Variants in P4HTM observed in about 807,000 individuals in gnomAD.
P4HTM encodes transmembrane prolyl 4-hydroxylase.
In P4HTM, 33 loss-of-function variants were observed where a neutral mutation model predicts 55.3. That is an observed-to-expected ratio of 0.60 (90% CI 0.45 to 0.80). P4HTM has a LOEUF of 0.80. Among genes scored for constraint, P4HTM ranks in the 30% least tolerant of loss-of-function variants. The pLI is 0.00. For synonymous variants in P4HTM, 272 were observed against 286.4 expected (o/e 0.95, Z 0.51); for missense variants, 542 against 696.5 (o/e 0.78, Z 2.50).
At position 48,990,537 on chromosome 3, in the gene P4HTM, G is replaced by A. The variant is rs754529224; in HGVS notation, c.281G>A (p.Gly94Glu). The change falls in exon 1 of 9, where the codon GGG becomes GAG. Residue 94 changes from glycine to glutamate, a missense_variant. This residue lies in a region of P4HTM where 536 missense variants were observed against 672.1 expected (regional missense o/e 0.80). Transcript: ENST00000383729. The surrounding 1 kb of genome is among the most constrained non-coding windows in gnomAD (Gnocchi z 7.2). ...YSNGDESSDP[G>E]PQHRAQGPGP... ...AACGGCGACGAAAGCAGCGATCCCGGGCCCCAACACCGTGCCCAGGGCCCC... is the reference window on the plus strand; with the variant it reads ...AACGGCGACGAAAGCAGCGATCCCGAGCCCCAACACCGTGCCCAGGGCCCC... 6.2e-7 allele frequency: 1 copy of A among 1,610,686 alleles called. No homozygotes were observed. The highest frequency in any genetic ancestry group is 8.5e-7 in the Non-Finnish European group (1 of 1,179,346).
At chr3:49,003,079 A>C in intron 4 of P4HTM, 1 of 300,514 alleles carries the variant, frequency 3.3e-6, no homozygotes, top group Non-Finnish European at 6.5e-6. Flanking sequence ...AAGCGCCTAA[A>C]ATGGTAGTGC....
At chr3:49,006,556 G>A (rs1367478779) in intron 8 of P4HTM, 131 bp from the exon 9 acceptor site, 5 of 722,226 alleles carry the variant, frequency 6.9e-6, no homozygotes, top group South Asian at 6.8e-5. Context: ...AGCCTCCAAG[G>A]AAGCTTTAGG....
chr3:49,006,215 G>A (rs200837151), intron 8 of P4HTM, 28 bp downstream of exon 8: 2 of 1,599,040 alleles, frequency 1.3e-6, no homozygotes, highest in East Asian at 2.3e-5. Context: ...GGCCTGGGGG[G>A]GGTGCCCTGA....
At position 49,006,683 on chromosome 3, in the gene P4HTM, C is replaced by T; in HGVS notation, c.1289-4C>T. 6.2e-7 allele frequency: 1 copy of T among 1,613,120 alleles called. No homozygotes were observed. The highest frequency in any genetic ancestry group is 8.5e-7 in the Non-Finnish European group (1 of 1,179,610). ...TAGGATCTCACGTCACCCTCCTCTT[C>T]TAGGTTGGGTGGGTGACGTAGACGA... On this transcript the variant is annotated splice_region_variant and splice_polypyrimidine_tract_variant and intron_variant, in intron 8 of 8. Transcript: ENST00000383729.
Position 49,006,972 on chromosome 3 carries a change from T to C in P4HTM, c.*65T>C. On this transcript the variant is annotated 3_prime_UTR_variant, in exon 9 of 9. Transcript: ENST00000383729. ...TTGCCCAAGATCAGGGGTCCGGCTG[T>C]CCTTCTGTCCTGCTGCAGACTAAAG... The C allele has an allele frequency of 1.5e-6, 2 of 1,302,718 alleles. No individual in the cohort carries two copies. Among genetic ancestry groups the C allele is most frequent in the Non-Finnish European group, 2.1e-6 (2 of 931,348 alleles). 80.7% of individuals were successfully genotyped at this position (1,302,718 alleles called of 1,614,324 possible).
intron 6 of P4HTM, chr3:49,005,296 CCT>C (rs1237121547): frequency 5.1e-5 from 73 of 1,442,364 alleles, no homozygotes; most frequent in Non-Finnish European, 5.9e-5. Context: ...AAACTTGCCC[CCT>C]GAGTTCTGAA....
intron 8 of P4HTM, 44 bp from the exon 9 acceptor site, chr3:49,006,643 C>G (rs757630441): frequency 1.9e-6 from 3 of 1,568,254 alleles, no homozygotes; most frequent in Non-Finnish European, 2.6e-6. Flanking sequence ...AGGCCAAGCT[C>G]TGGCCAGCCC....
chr3:49,004,831 C>A (rs1156975630), intron 5 of P4HTM, 30 bp from the exon 6 acceptor site: 2 of 1,581,504 alleles, frequency 1.3e-6, no homozygotes, highest in Non-Finnish European at 1.7e-6. Flanking sequence ...TTGCCTGGGG[C>A]TGCCCAGCCA....
In P4HTM at chr3:48,990,388, A is replaced by C; in HGVS notation, c.132A>C (p.Ala44=). 8.3e-6 allele frequency: 13 copies of C among 1,558,532 alleles called. No homozygotes were observed. The highest frequency in any genetic ancestry group is 4.8e-5 in the East Asian group (2 of 41,424). ...AAAGLGDGED[A]PVRPLCKPRG... The stretch of plus-strand genomic sequence containing the variant: ...CCGGGCTGGGCGACGGCGAGGACGC[A>C]CCGGTGCGTCCGCTGTGCAAGCCCC... Residue 44 remains alanine, a synonymous_variant, in exon 1 of 9, where the codon GCA becomes GCC. Transcript: ENST00000383729. The surrounding 1 kb of genome is among the most constrained non-coding windows in gnomAD (Gnocchi z 7.2).
chr3:48,994,192 G>A (rs1228062371), intron 2 of P4HTM, among the ~76,000 whole-genome samples: 2 of 152,170 alleles, frequency 1.3e-5, no homozygotes, highest in Non-Finnish European at 1.5e-5. Flanking sequence ...TCTGTCCATT[G>A]GTCTGCTACC....
Position 49,006,941 on chromosome 3 carries a change from C to G in P4HTM, c.*34C>G, listed in dbSNP as rs781523641. ...TTAGCCCCGGTTCCCAGCCGCGGGT[C>G]GCCAGTTGCCCAAGATCAGGGGTCC... On this transcript the variant is annotated 3_prime_UTR_variant, in exon 9 of 9. Coordinates refer to ENST00000383729, the MANE Select transcript of P4HTM (RefSeq NM_177939.3). 5.4e-5 allele frequency: 83 copies of G among 1,550,228 alleles called. 1 individual carries two copies. The South Asian group carries it at 9.5e-4, about 18-fold the overall frequency.
At chr3:48,995,156 T>C (rs1414695019) in intron 2 of P4HTM, among the ~76,000 whole-genome samples, 1 of 152,124 alleles carries the variant, frequency 6.6e-6, no homozygotes, top group East Asian at 1.9e-4. Flanking sequence ...TAAGTCTCAT[T>C]TGATGCCTAA....
chr3:49,007,050 A>G lies in P4HTM; in HGVS notation c.*143A>G. On this transcript the variant is annotated 3_prime_UTR_variant, in exon 9 of 9. Transcript: ENST00000383729. This position sits in a 1 kb window ranked among gnomAD's most constrained non-coding sequence, Gnocchi z 5.1. ...CCAGCCGCGATACGGCGCAGTTCCT[A>G]TATTCATGTTATTTATTGTGTACTG... 1.4e-6 allele frequency: 1 copy of G among 719,090 alleles called. No homozygotes were observed. The allele number at this position is 719,090 out of a possible 1,614,324, so 44.5% of individuals were successfully genotyped here.
At chr3:49,006,574 G>A (rs2092982740) in intron 8 of P4HTM, 113 bp from the exon 9 acceptor site, 3 of 824,630 alleles carry the variant, frequency 3.6e-6, no homozygotes, top group African/African-American at 3.4e-5. Context: ...AGGTCTGGGT[G>A]TTTGCTACAC....
At chr3:49,001,723 A>G in intron 3 of P4HTM, 95 bp downstream of exon 3, 1 of 1,136,212 alleles carries the variant, frequency 8.8e-7, no homozygotes. Flanking sequence ...GCCTGGTCCC[A>G]AAAGTCAGAT....
intron 2 of P4HTM, among the ~76,000 whole-genome samples, chr3:48,996,873 C>T (rs995403642): frequency 2.0e-5 from 3 of 152,154 alleles, no homozygotes; most frequent in African/African-American, 7.2e-5. Flanking sequence ...GGTTCCGAGG[C>T]ATGTGGGCAG....
intron 4 of P4HTM, 150 bp from the exon 5 acceptor site, chr3:49,003,948 A>G: frequency 4.4e-6 from 3 of 684,474 alleles, no homozygotes; most frequent in East Asian, 5.7e-5. Flanking sequence ...ATCTGACCCA[A>G]AAGTCCAGGT....
At position 49,004,918 on chromosome 3, in the gene P4HTM, G is replaced by C; in HGVS notation, c.945G>C (p.Gln315His). The C allele has an allele frequency of 6.2e-7, 1 of 1,613,760 alleles. No individual in the cohort carries two copies. Residue 315 changes from glutamine to histidine, a missense_variant, in exon 6 of 9, where the codon CAG becomes CAC. By Grantham distance (24) the Gln-to-His change is conservative. Coordinates refer to ENST00000383729, the MANE Select transcript of P4HTM (RefSeq NM_177939.3). The stretch of plus-strand genomic sequence containing the variant: ...TCGTGGAGCTCAGCGAGCCGCTGCA[G>C]GTTGTTCGATATGGTGAGGGGGGCC... The part of the protein sequence containing the change: ...PEIVELSEPL[Q>H]VVRYGEGGHY...
chr3:48,992,752 G>A (rs188516974), intron 2 of P4HTM, among the ~76,000 whole-genome samples: 10 of 136,120 alleles, frequency 7.3e-5, no homozygotes, highest in African/African-American at 2.5e-4. Flanking sequence ...TGCAACCTCC[G>A]CCTTCCGGGT....
Sources: allele counts gnomAD v4.1 joint callset (sites outside exome capture counted in the v4.1 genomes callset), GRCh38; gene constraint gnomAD v4.1.1; regional missense constraint gnomAD v4.1.1; non-coding constraint Gnocchi (gnomAD v3.1); transcripts MANE v1.5; gene names NCBI Gene and HGNC (gene_info 2026-07-23, HGNC 2026-07-21).